RNF185: variants seen among roughly 807,000 people sequenced by gnomAD.
RNF185 encodes the protein ring finger protein 185.
In RNF185, 13 loss-of-function variants were observed where a neutral mutation model predicts 24.9. The observed-to-expected ratio is 0.52, with a 90% confidence interval of 0.34 to 0.83. RNF185 has a LOEUF of 0.83. Among genes scored for constraint, RNF185 ranks in the 40% least tolerant of loss-of-function variants. The pLI is 0.01. For missense variants in RNF185, 184 were observed against 244.7 expected (o/e 0.75, Z 1.65); for synonymous variants, 79 against 90.3 (o/e 0.88, Z 0.71).
At chr22:31,163,656 TTTTATTTATTTATTTA>T (rs60362805) in intron 1 of RNF185, among the ~76,000 whole-genome samples, 1 of 141,036 alleles carries the variant, frequency 7.1e-6, no homozygotes, top group South Asian at 2.3e-4. Context: ...TTTTATTTTA[TTTTATTTATTTATTTA>T]TTTATTTATT....
At chr22:31,176,056 C>T (rs2047979222) in intron 1 of RNF185, among the ~76,000 whole-genome samples, 1 of 152,116 alleles carries the variant, frequency 6.6e-6, no homozygotes, top group Non-Finnish European at 1.5e-5. Context: ...AGCCACCATG[C>T]TTGGCCTATT....
intron 4 of RNF185, among the ~76,000 whole-genome samples, chr22:31,196,641 G>A (rs1374885923): frequency 6.6e-6 from 1 of 152,192 alleles, no homozygotes; most frequent in Non-Finnish European, 1.5e-5. Context: ...AAGGCATCTG[G>A]CCATGATTCC....
At chr22:31,192,880 G>A (rs373482702) in intron 3 of RNF185, among the ~76,000 whole-genome samples, 178 bp downstream of exon 3, 1 of 152,216 alleles carries the variant, frequency 6.6e-6, no homozygotes, top group African/African-American at 2.4e-5. Flanking sequence ...ATGAAATCGG[G>A]ATGGTCCTAA....
At chr22:31,174,027 A>G (rs1409969413) in intron 1 of RNF185, among the ~76,000 whole-genome samples, 1 of 152,236 alleles carries the variant, frequency 6.6e-6, no homozygotes, top group Non-Finnish European at 1.5e-5. Context: ...GTGAACTCAG[A>G]GACCTTAAAA....
intron 1 of RNF185, among the ~76,000 whole-genome samples, chr22:31,175,323 G>T (rs1277195989): frequency 6.6e-6 from 1 of 151,608 alleles, no homozygotes; most frequent in South Asian, 2.1e-4. Flanking sequence ...ATGTGGTGGC[G>T]CACAGCTGTA....
intron 2 of RNF185, among the ~76,000 whole-genome samples, chr22:31,190,054 A>G (rs1352024837): frequency 2.0e-5 from 3 of 152,218 alleles, no homozygotes; most frequent in African/African-American, 4.8e-5. Context: ...ACTGCCTCAT[A>G]GGTTAATGTG....
At chr22:31,175,452 CAA>C (rs397952201) in intron 1 of RNF185, among the ~76,000 whole-genome samples, 11 of 115,000 alleles carry the variant, frequency 9.6e-5, no homozygotes, top group Non-Finnish European at 9.4e-5. Context: ...GAAACTGTCT[CAA>C]AAAAAAAAAA....
At chr22:31,196,785 T>A in intron 4 of RNF185, 151 bp from the exon 5 acceptor site, 1 of 969,308 alleles carries the variant, frequency 1.0e-6, no homozygotes, top group South Asian at 1.6e-5. Context: ...AATGAAGAGT[T>A]CGTATTTGGA....
At chr22:31,166,775 G>A (rs772857071) in intron 1 of RNF185, among the ~76,000 whole-genome samples, 2 of 151,862 alleles carry the variant, frequency 1.3e-5, no homozygotes, top group East Asian at 1.9e-4. Flanking sequence ...TCAGCCTCCC[G>A]AGTAGCTGGG....
chr22:31,187,424 C>T (rs763089097), intron 2 of RNF185, among the ~76,000 whole-genome samples, 154 bp downstream of exon 2: 1 of 152,226 alleles, frequency 6.6e-6, no homozygotes, highest in Non-Finnish European at 1.5e-5. Flanking sequence ...AGCTCTGCTA[C>T]CAATGAGCTG....
chr22:31,177,469 C>CT (rs1318543180), intron 1 of RNF185, among the ~76,000 whole-genome samples: 1 of 152,112 alleles, frequency 6.6e-6, no homozygotes, highest in Non-Finnish European at 1.5e-5. Flanking sequence ...CTAAACACCA[C>CT]TTAGACTTTA....
At chr22:31,188,109 T>C (rs1359418485) in intron 2 of RNF185, among the ~76,000 whole-genome samples, 1 of 152,146 alleles carries the variant, frequency 6.6e-6, no homozygotes, top group Non-Finnish European at 1.5e-5. Context: ...CTCACAGCAC[T>C]CTGGATGAGG....
intron 1 of RNF185, among the ~76,000 whole-genome samples, chr22:31,177,847 C>T (rs2147934467): frequency 6.6e-6 from 1 of 152,280 alleles, no homozygotes; most frequent in East Asian, 1.9e-4. Flanking sequence ...ATGATGAATT[C>T]CTACAGTTCT....
intron 3 of RNF185, 63 bp from the exon 4 acceptor site, chr22:31,195,406 C>T: frequency 1.8e-6 from 2 of 1,119,372 alleles, no homozygotes; most frequent in Admixed American, 4.1e-5. Context: ...GTTCTGGTGG[C>T]TCTGGCTGAT....
chr22:31,172,419 T>C (rs2047939185), intron 1 of RNF185, among the ~76,000 whole-genome samples: 1 of 151,160 alleles, frequency 6.6e-6, no homozygotes, highest in African/African-American at 2.4e-5. Context: ...AATTTCTTTG[T>C]CTAATAGGGG....
chr22:31,180,020 T>C (rs183061228), intron 1 of RNF185, among the ~76,000 whole-genome samples: 11 of 149,368 alleles, frequency 7.4e-5, no homozygotes, highest in Non-Finnish European at 1.6e-4. Flanking sequence ...ACCGTGGCCA[T>C]ATGGACAGTC....
intron 1 of RNF185, among the ~76,000 whole-genome samples, chr22:31,169,928 G>A (rs1271493446): frequency 6.7e-6 from 1 of 150,350 alleles, no homozygotes; most frequent in African/African-American, 2.4e-5. Flanking sequence ...TGGGAACAAA[G>A]CTCCCGAGTG....
chr22:31,203,532 CAAATAATAACA>C (rs2048283501), intron 6 of RNF185, among the ~76,000 whole-genome samples: 3 of 152,142 alleles, frequency 2.0e-5, no homozygotes, highest in Admixed American at 2.0e-4. Flanking sequence ...TAATATCCAC[CAAATAATAACA>C]TGTACAAAAC....
intron 2 of RNF185, among the ~76,000 whole-genome samples, chr22:31,190,930 A>T (rs919278254): frequency 4.6e-5 from 7 of 152,182 alleles, no homozygotes; most frequent in African/African-American, 1.7e-4. Context: ...TAAATACACA[A>T]ATATTTACCA....
Sources: allele counts gnomAD v4.1 joint callset (sites outside exome capture counted in the v4.1 genomes callset), GRCh38; gene constraint gnomAD v4.1.1; transcripts MANE v1.5; gene names NCBI Gene and HGNC (gene_info 2026-07-23, HGNC 2026-07-21).